FAM178B: variants seen among roughly 807,000 people sequenced by gnomAD.
The protein encoded by FAM178B is family with sequence similarity 178 member B.
A neutral mutation model predicts 91.7 loss-of-function variants in FAM178B; 82 were observed. The ratio of observed to expected loss-of-function variants is 0.89; its 90% confidence interval spans 0.75 to 1.07. FAM178B has a LOEUF of 1.07. Ranked by LOEUF, FAM178B falls within the 50% of genes least tolerant of loss-of-function variation. FAM178B has a pLI of 0.00. For missense variants in FAM178B, 769 were observed against 846.7 expected, an observed-to-expected ratio of 0.91 and a Z score of 1.14; for synonymous variants, 368 against 359.4, an observed-to-expected ratio of 1.02 and a Z score of -0.27.
At chr2:96,965,088 C>T (rs1455147544) in intron 5 of FAM178B, among the ~76,000 whole-genome samples, 3 of 152,176 alleles carry the variant, frequency 2.0e-5, no homozygotes, top group Admixed American at 6.5e-5. Flanking sequence ...CAACCTCCAC[C>T]TCCCGGGTTC....
At position 96,962,588 on chromosome 2, in the gene FAM178B, G is replaced by A. The variant is rs375562792; in HGVS notation, c.735-2148C>T. Among the ~76,000 whole-genome samples, 142 of 152,232 alleles carry A rather than the reference G, an allele frequency of 9.3e-4. 1 individual carries two copies. The highest frequency in any genetic ancestry group is 3.3e-3 in the African/African-American group (135 of 41,532). ...TGTGCATTATTAAGAGTCCTGAGGC[G>A]ACTCTTATACATCTAATTGGGGATT... On this transcript the variant is annotated intron_variant, in intron 5 of 16. Coordinates refer to ENST00000490605, the MANE Select transcript of FAM178B (RefSeq NM_001122646.3).
intron 9 of FAM178B, among the ~76,000 whole-genome samples, chr2:96,926,923 G>A (rs547643458): frequency 3.3e-4 from 50 of 152,328 alleles, no homozygotes; most frequent in African/African-American, 1.2e-3. Flanking sequence ...GGTAGCCCAG[G>A]AGAAGCCCCA....
chr2:96,921,995 C>A (rs1301625693), intron 10 of FAM178B, among the ~76,000 whole-genome samples: 1 of 152,068 alleles, frequency 6.6e-6, no homozygotes, highest in East Asian at 1.9e-4. Context: ...TCACAAAGAC[C>A]CCGCTGATAA....
intron 12 of FAM178B, among the ~76,000 whole-genome samples, chr2:96,906,140 T>G (rs925596915): frequency 2.0e-5 from 3 of 149,986 alleles, no homozygotes; most frequent in African/African-American, 7.3e-5. Flanking sequence ...CACCTCAGCC[T>G]CCCAAAGTGC....
At chr2:96,935,416 G>A (rs190197852) in intron 8 of FAM178B, among the ~76,000 whole-genome samples, 6 of 152,100 alleles carry the variant, frequency 3.9e-5, no homozygotes, top group Admixed American at 1.3e-4. Flanking sequence ...CTCAGCTCCA[G>A]GCAATCGCCT....
At chr2:96,942,238 T>C (rs2081744872) in intron 8 of FAM178B, among the ~76,000 whole-genome samples, 1 of 152,190 alleles carries the variant, frequency 6.6e-6, no homozygotes, top group Non-Finnish European at 1.5e-5. Flanking sequence ...ACATCCCATG[T>C]TCATGGATTG....
intron 14 of FAM178B, among the ~76,000 whole-genome samples, chr2:96,892,425 C>T (rs1360986428): frequency 3.3e-5 from 5 of 152,274 alleles, no homozygotes; most frequent in Non-Finnish European, 5.9e-5. Flanking sequence ...GGGGCTCTGC[C>T]GAGCTGCACG....
chr2:96,938,663 C>G (rs1260616362), intron 8 of FAM178B, among the ~76,000 whole-genome samples: 1 of 152,240 alleles, frequency 6.6e-6, no homozygotes, highest in Non-Finnish European at 1.5e-5. Context: ...GCTCACACAG[C>G]TGCCAGGAAC....
chr2:96,978,278 C>G (rs10178701), intron 1 of FAM178B, among the ~76,000 whole-genome samples: 9,297 of 152,206 alleles, frequency 0.061, 638 homozygotes, highest in African/African-American at 0.17. Context: ...CTTTTACATA[C>G]ACAAAATCAC....
chr2:96,952,792 T>C (rs898165794), intron 6 of FAM178B, among the ~76,000 whole-genome samples: 1 of 152,134 alleles, frequency 6.6e-6, no homozygotes, highest in African/African-American at 2.4e-5. Context: ...CCAAAGATCA[T>C]TAACATGGAT....
chr2:96,955,006 T>C (rs2081978999), intron 6 of FAM178B, among the ~76,000 whole-genome samples: 1 of 152,156 alleles, frequency 6.6e-6, no homozygotes, highest in African/African-American at 2.4e-5. Context: ...GCTGTGATCG[T>C]ACTACTGCAC....
intron 13 of FAM178B, among the ~76,000 whole-genome samples, chr2:96,895,683 C>T (rs2080807966): frequency 6.6e-6 from 1 of 152,210 alleles, no homozygotes; most frequent in Non-Finnish European, 1.5e-5. Flanking sequence ...TAAGTGGGAG[C>T]AGATCCAGGG....
intron 12 of FAM178B, among the ~76,000 whole-genome samples, chr2:96,905,290 G>T (rs1170418702): frequency 2.0e-5 from 3 of 152,140 alleles, no homozygotes; most frequent in Non-Finnish European, 4.4e-5. Flanking sequence ...AGGCACAGTA[G>T]CTCACGCCTG....
chr2:96,885,793 T>C (rs2080504242), intron 14 of FAM178B, among the ~76,000 whole-genome samples: 2 of 151,696 alleles, frequency 1.3e-5, no homozygotes, highest in South Asian at 4.2e-4. Flanking sequence ...ACCAGGGAGA[T>C]GTGGACCAGA....
chr2:96,918,265 A>C (rs189553354), intron 12 of FAM178B, among the ~76,000 whole-genome samples: 38 of 152,356 alleles, frequency 2.5e-4, no homozygotes, highest in Non-Finnish European at 4.3e-4. Context: ...CTTTGGAGAA[A>C]ACATACTGTA....
intron 16 of FAM178B, among the ~76,000 whole-genome samples, chr2:96,877,442 G>A (rs532280111): frequency 5.5e-5 from 8 of 146,710 alleles, no homozygotes; most frequent in African/African-American, 1.8e-4. Flanking sequence ...TTGCCCTGTC[G>A]CCCAGGCTGG....
chr2:96,945,341 G>GT (rs1397384105), intron 8 of FAM178B, among the ~76,000 whole-genome samples: 1 of 150,882 alleles, frequency 6.6e-6, no homozygotes, highest in Non-Finnish European at 1.5e-5. Flanking sequence ...GAGCACACCC[G>GT]TAATAGTCAA....
At chr2:96,905,846 A>ATGTATATATATATATACGTATATATACG (rs1559064237) in intron 12 of FAM178B, among the ~76,000 whole-genome samples, 3 of 26,914 alleles carry the variant, frequency 1.1e-4, no homozygotes, top group Non-Finnish European at 1.6e-4. Context: ...ATATATATAT[A>ATGTATATATATATATACGTATATATACG]TATATATATA....
chr2:96,972,695 GC>G, intron 1 of FAM178B, 89 bp from the exon 2 acceptor site: 6 of 1,238,954 alleles, frequency 4.8e-6, no homozygotes, highest in Non-Finnish European at 6.8e-6. Flanking sequence ...GAGGGCCTGG[GC>G]CCACTGTGCC....
Sources: gnomAD v4.1 joint callset for allele counts (sites outside exome capture counted in the v4.1 genomes callset) on GRCh38, gnomAD v4.1.1 for gene constraint, MANE v1.5 for transcripts, NCBI Gene and HGNC (gene_info 2026-07-23, HGNC 2026-07-21) for gene names.